Variants in TRIM33 observed in about 807,000 individuals in gnomAD.
The protein encoded by TRIM33 is E3 ubiquitin-protein ligase TRIM33.
TRIM33 carries 20 observed loss-of-function variants against 125.4 expected under a neutral mutation model. The ratio of observed to expected loss-of-function variants is 0.16; its 90% confidence interval spans 0.11 to 0.23. The LOEUF (loss-of-function observed/expected upper bound fraction) is 0.23. Among genes scored for constraint, TRIM33 ranks in the 10% least tolerant of loss-of-function variants. TRIM33 has a pLI of 1.00. For synonymous variants in TRIM33, 564 were observed against 513.9 expected (o/e 1.10, Z -1.32); for missense variants, 920 against 1,411.4 (o/e 0.65, Z 5.58).
chr1:114,490,084 C>CAAAAAAAAAAAAAAAAAAAAAAAAA (rs776451339), intron 1 of TRIM33, among the ~76,000 whole-genome samples: 1 of 37,644 alleles, frequency 2.7e-5, no homozygotes, highest in Non-Finnish European at 5.2e-5. Flanking sequence ...GACTCCGTCT[C>CAAAAAAAAAAAAAAAAAAAAAAAAA]AAAAAAAAAA....
In TRIM33 at chr1:114,397,605, T is replaced by C. The variant is rs750263067; in HGVS notation, c.*43A>G. ...GTTTTTTGTGTTTTTTTTTTTTTTT[T>C]CGTTTTTTTTTTTTTAAACAATTGA... On this transcript the variant is annotated 3_prime_UTR_variant, in exon 20 of 20. Transcript: ENST00000358465. 30 of 1,115,856 alleles carry C rather than the reference T, an allele frequency of 2.7e-5. No homozygotes were observed. In the East Asian group the frequency reaches 3.4e-4, roughly 13 times the overall value. The allele number at this position is 1,115,856 out of a possible 1,614,324, so 69.1% of individuals were successfully genotyped here.
At chr1:114,407,344 T>TCACA (rs754655019) in intron 13 of TRIM33, among the ~76,000 whole-genome samples, 3 of 151,814 alleles carry the variant, frequency 2.0e-5, no homozygotes, top group Non-Finnish European at 2.9e-5. Flanking sequence ...AGCACTTTCT[T>TCACA]CACACACACA....
Position 114,394,739 on chromosome 1 carries a change from T to A in TRIM33, c.*2909A>T, listed in dbSNP as rs1466423110. On this transcript the variant is annotated 3_prime_UTR_variant, in exon 20 of 20. Coordinates refer to ENST00000358465, the MANE Select transcript of TRIM33 (RefSeq NM_015906.4). ...CACGACCTACAATCTAACCATACTTTAGAACTTTCACATGCTTTGCCTCAT... is the reference window on the plus strand; with the variant it reads ...CACGACCTACAATCTAACCATACTTAAGAACTTTCACATGCTTTGCCTCAT... The A allele has an allele frequency of 5.0e-6, 1 of 201,282 alleles. No individual in the cohort carries two copies. The highest frequency in any genetic ancestry group is 1.0e-5 in the Non-Finnish European group (1 of 97,654). 12.5% of individuals were successfully genotyped at this position (201,282 alleles called of 1,614,324 possible). A position where few individuals can be genotyped will look rare whatever the true frequency, so the allele number is the denominator to read the frequency against.
chr1:114,486,072 C>T (rs1362042509), intron 1 of TRIM33, among the ~76,000 whole-genome samples: 2 of 151,926 alleles, frequency 1.3e-5, no homozygotes, highest in Non-Finnish European at 2.9e-5. Context: ...GTCAGAAGTT[C>T]GAGACCAGCC....
intron 1 of TRIM33, among the ~76,000 whole-genome samples, chr1:114,466,684 G>A (rs946457678): frequency 5.3e-5 from 8 of 152,166 alleles, no homozygotes; most frequent in Admixed American, 5.2e-4. Flanking sequence ...CCACATTGTT[G>A]CTGGGGACAT....
intron 1 of TRIM33, among the ~76,000 whole-genome samples, chr1:114,504,313 G>A (rs995427501): frequency 2.0e-5 from 3 of 151,880 alleles, no homozygotes; most frequent in African/African-American, 4.8e-5. Flanking sequence ...CTACAGACAC[G>A]CACTACCATG....
chr1:114,425,555 T>A lies in TRIM33; in HGVS notation c.1589A>T (p.Gln530Leu). 6.2e-7 allele frequency: 1 copy of A among 1,614,160 alleles called. No homozygotes were observed. The highest frequency in any genetic ancestry group is 8.5e-7 in the Non-Finnish European group (1 of 1,180,026). Reference protein sequence around the residue: ...QQQVYAQKHQQLQQMRMQQPP... With the variant: ...QQQVYAQKHQLLQQMRMQQPP... ...TTGCTGCATCCTCATCTGTTGCAAC[T>A]GCTGATGTTTCTGTGCATATACTTG... The change falls in exon 9 of 20, where the codon CAG becomes CTG. Residue 530 changes from glutamine to leucine, a missense_variant. Physicochemically the swap from Gln to Leu is moderately radical, Grantham distance 113. This residue lies in a region of TRIM33 where 407 missense variants were observed against 589.7 expected (regional missense o/e 0.69). Coordinates refer to ENST00000358465, the MANE Select transcript of TRIM33 (RefSeq NM_015906.4).
At chr1:114,425,922 T>C (rs1041431306) in intron 8 of TRIM33, among the ~76,000 whole-genome samples, 199 bp from the exon 9 acceptor site, 23 of 152,158 alleles carry the variant, frequency 1.5e-4, no homozygotes, top group African/African-American at 5.3e-4. Flanking sequence ...TAAATGACGT[T>C]TGGTTATTCA....
chr1:114,428,709 C>G (rs894010483), intron 6 of TRIM33, among the ~76,000 whole-genome samples: 1 of 152,170 alleles, frequency 6.6e-6, no homozygotes, highest in Non-Finnish European at 1.5e-5. Flanking sequence ...GTATGGTTTA[C>G]TACATTTCTT....
At chr1:114,510,430 A>T (rs1158107400) in intron 1 of TRIM33, 121 bp downstream of exon 1, 20 of 919,612 alleles carry the variant, frequency 2.2e-5, no homozygotes, top group Non-Finnish European at 3.0e-5. Flanking sequence ...CTTTCACCTT[A>T]GAGACCCCTC....
At chr1:114,490,030 T>C (rs76701955) in intron 1 of TRIM33, among the ~76,000 whole-genome samples, 37,195 of 140,748 alleles carry the variant, frequency 0.26, 5,022 homozygotes, top group African/African-American at 0.32. Flanking sequence ...GCAGGAAGAT[T>C]GTTAGGGCCC....
intron 1 of TRIM33, among the ~76,000 whole-genome samples, chr1:114,466,523 C>T (rs1650309625): frequency 6.6e-6 from 1 of 152,142 alleles, no homozygotes; most frequent in East Asian, 1.9e-4. Context: ...AGGCTTTAAG[C>T]CATACCGTGT....
Position 114,427,600 on chromosome 1 carries a change from T to C in TRIM33, c.1302+148A>G, listed in dbSNP as rs1025826199. ...GGCTGCCTAGTGGAATGAGGAAACT[T>C]TGGGGGGTGGTGGAAGTTTTCTGTA... is the stretch of plus-strand genomic sequence containing the variant. On this transcript the variant is annotated intron_variant, in intron 7 of 19. Coordinates refer to ENST00000358465, the MANE Select transcript of TRIM33 (RefSeq NM_015906.4). 10 of 738,022 alleles carry C rather than the reference T, an allele frequency of 1.4e-5. No homozygotes were observed. In the African/African-American group the frequency reaches 1.8e-4, roughly 13 times the overall value. The allele number at this position is 738,022 out of a possible 1,614,324, so 45.7% of individuals were successfully genotyped here. A position where few individuals can be genotyped will look rare whatever the true frequency, so the allele number is the denominator to read the frequency against.
rs776435320 is a variant in TRIM33 at position 114,466,813 on chromosome 1, G to A, written c.527-2425C>T. On this transcript the variant is annotated intron_variant, in intron 1 of 19. Transcript: ENST00000358465. Reference sequence around the variant, plus strand: ...TCTCCATGTTAGTCAGGCTGGCGTCGAACTCCTGACCTCAGGTGACCGATC... The same window carrying A: ...TCTCCATGTTAGTCAGGCTGGCGTCAAACTCCTGACCTCAGGTGACCGATC... Among the ~76,000 whole-genome samples, 5 of 152,128 alleles carry A rather than the reference G, an allele frequency of 3.3e-5. No homozygotes were observed. The East Asian group carries it at 5.8e-4, about 18-fold the overall frequency.
chr1:114,457,401 T>A (rs1649689584), intron 4 of TRIM33, among the ~76,000 whole-genome samples: 1 of 152,088 alleles, frequency 6.6e-6, no homozygotes, highest in African/African-American at 2.4e-5. Context: ...TACAACACTG[T>A]AGAAAAAAAT....
In TRIM33 at chr1:114,412,579, AGTTTT is replaced by A. The variant is rs1652664457; in HGVS notation, c.2062-2268_2062-2264del. Among the ~76,000 whole-genome samples the A allele has an allele frequency of 3.3e-5, 5 of 152,052 alleles. 1 individual carries two copies. The South Asian group carries it at 1.0e-3, about 31-fold the overall frequency. On this transcript the variant is annotated intron_variant, in intron 11 of 19. Transcript: ENST00000358465. ...CCACTCATCTGCTTCCTTCAGCTTTAGTTTTTTTTTCCAGAGTTTTATATAATTTG... is the reference window on the plus strand; with the variant it reads ...CCACTCATCTGCTTCCTTCAGCTTTATTTTTCCAGAGTTTTATATAATTTG...
chr1:114,442,244 C>A (rs1648697187), intron 4 of TRIM33, among the ~76,000 whole-genome samples: 1 of 151,996 alleles, frequency 6.6e-6, no homozygotes. Flanking sequence ...ATAAGTGTAC[C>A]CCATGAAAAA....
chr1:114,439,240 G>A (rs536896138), intron 4 of TRIM33, among the ~76,000 whole-genome samples: 34 of 152,190 alleles, frequency 2.2e-4, no homozygotes, highest in African/African-American at 6.7e-4. Context: ...TTGGGAGGCC[G>A]AGGTGGGCAG....
chr1:114,394,648 A>T lies in TRIM33; in HGVS notation c.*3000T>A, dbSNP rs1651448697. On this transcript the variant is annotated 3_prime_UTR_variant, in exon 20 of 20. Transcript: ENST00000358465. ...CCAACTTGTTGATCCAAAAATAATAATTTCAATAGTGGATCCAATGCCTTA... is the reference window on the plus strand; with the variant it reads ...CCAACTTGTTGATCCAAAAATAATATTTTCAATAGTGGATCCAATGCCTTA... 4.9e-6 allele frequency: 1 copy of T among 204,236 alleles called. No individual in the cohort carries two copies. The highest frequency in any genetic ancestry group is 2.3e-5 in the African/African-American group (1 of 43,714). 12.7% of individuals were successfully genotyped at this position (204,236 alleles called of 1,614,324 possible). A position where few individuals can be genotyped will look rare whatever the true frequency, so the allele number is the denominator to read the frequency against.
Sources: allele counts gnomAD v4.1 joint callset (sites outside exome capture counted in the v4.1 genomes callset), GRCh38; gene constraint gnomAD v4.1.1; regional missense constraint gnomAD v4.1.1; transcripts MANE v1.5; gene names NCBI Gene and HGNC (gene_info 2026-07-23, HGNC 2026-07-21).